Variants in RBMS3 observed in about 807,000 individuals in gnomAD.
RBMS3 encodes RNA binding motif single stranded interacting protein 3.
Under a neutral mutation model 66.8 loss-of-function variants are expected in RBMS3, and 27 were observed. The ratio of observed to expected loss-of-function variants is 0.40; its 90% CI spans 0.30 to 0.56. The LOEUF (loss-of-function observed/expected upper bound fraction) is 0.56. RBMS3 is among the 20% of genes least tolerant of loss of function. The probability of loss-of-function intolerance (pLI) is 0.40; values close to 1 mark genes in which losing one functional copy is unlikely to be tolerated. For synonymous variants in RBMS3, 188 were observed against 183.0 expected (o/e 1.03, Z -0.22); for missense variants, 513 against 549.5 (o/e 0.93, Z 0.66).
At chr3:29,382,920 T>C (rs77609197) in intron 1 of RBMS3, among the ~76,000 whole-genome samples, 8,611 of 152,246 alleles carry the variant, frequency 0.057, 515 homozygotes, top group Admixed American at 0.19. Flanking sequence ...CACATACTCA[T>C]AGGCTCATCT....
intron 6 of RBMS3, among the ~76,000 whole-genome samples, chr3:29,805,091 G>T (rs1306954659): frequency 6.6e-6 from 1 of 151,982 alleles, no homozygotes; most frequent in African/African-American, 2.4e-5. Flanking sequence ...GTTTAATCAT[G>T]CATTGCATAA....
chr3:29,778,251 C>T (rs75874818), intron 6 of RBMS3, among the ~76,000 whole-genome samples: 3,685 of 151,898 alleles, frequency 0.024, 76 homozygotes, highest in East Asian at 0.12. Context: ...AGGGTTTAAA[C>T]ATTTCCTGCT....
chr3:29,826,702 A>T (rs936063385), intron 6 of RBMS3, among the ~76,000 whole-genome samples: 1 of 152,152 alleles, frequency 6.6e-6, no homozygotes, highest in Admixed American at 6.6e-5. Context: ...GAAATCACCT[A>T]CATTTCTTAG....
intron 10 of RBMS3, among the ~76,000 whole-genome samples, chr3:29,900,275 C>T (rs970909367): frequency 4.0e-5 from 6 of 151,634 alleles, no homozygotes; most frequent in African/African-American, 1.2e-4. Flanking sequence ...TAGTTGTCTG[C>T]TAATAGATGA....
intron 4 of RBMS3, among the ~76,000 whole-genome samples, chr3:29,708,874 C>T (rs73829308): frequency 0.079 from 12,016 of 152,226 alleles, 1,591 homozygotes; most frequent in African/African-American, 0.27. Flanking sequence ...TATTGACAGA[C>T]AACTGTCAAT....
intron 10 of RBMS3, among the ~76,000 whole-genome samples, chr3:29,910,986 C>G (rs2060500312): frequency 6.6e-6 from 1 of 151,962 alleles, no homozygotes; most frequent in Non-Finnish European, 1.5e-5. Flanking sequence ...CAATTGGTTT[C>G]CCTCCCAATA....
At chr3:29,308,997 G>A (rs2034205239) in intron 1 of RBMS3, among the ~76,000 whole-genome samples, 1 of 151,662 alleles carries the variant, frequency 6.6e-6, no homozygotes, top group African/African-American at 2.4e-5. Flanking sequence ...TAGAGAACTT[G>A]GAGACAAGTC....
chr3:29,698,071 A>G (rs558854691), intron 4 of RBMS3: 1 of 364,296 alleles, frequency 2.7e-6, no homozygotes, highest in Admixed American at 6.4e-5. Context: ...AAGCAACACA[A>G]AAATCTTCAT....
At chr3:29,937,549 A>T (rs144268354) in intron 11 of RBMS3, among the ~76,000 whole-genome samples, 43 of 152,140 alleles carry the variant, frequency 2.8e-4, no homozygotes, top group African/African-American at 9.9e-4. Context: ...TCAATAAAGA[A>T]ATTTTAGTTT....
At chr3:29,560,153 A>G (rs1225132278) in intron 3 of RBMS3, among the ~76,000 whole-genome samples, 2 of 152,222 alleles carry the variant, frequency 1.3e-5, no homozygotes, top group Non-Finnish European at 2.9e-5. Context: ...CCTCTTACAG[A>G]AACATACAAA....
intron 4 of RBMS3, among the ~76,000 whole-genome samples, chr3:29,595,849 G>A (rs193046249): frequency 1.3e-5 from 2 of 152,304 alleles, no homozygotes; most frequent in East Asian, 3.9e-4. Flanking sequence ...GGACAACCAT[G>A]TGTCTCCCCA....
intron 6 of RBMS3, among the ~76,000 whole-genome samples, chr3:29,809,541 C>T (rs1183126761): frequency 6.6e-6 from 1 of 151,870 alleles, no homozygotes; most frequent in African/African-American, 2.4e-5. Context: ...TCTGCCAATG[C>T]CAATTTTCAT....
chr3:29,372,301 C>T (rs1200652712), intron 1 of RBMS3, among the ~76,000 whole-genome samples: 2 of 151,916 alleles, frequency 1.3e-5, no homozygotes, highest in Non-Finnish European at 2.9e-5. Context: ...TGCACTCCAG[C>T]CTGGGTGACA....
intron 10 of RBMS3, among the ~76,000 whole-genome samples, chr3:29,923,880 G>A (rs940870755): frequency 6.6e-6 from 1 of 152,010 alleles, no homozygotes; most frequent in Non-Finnish European, 1.5e-5. Context: ...CCTGTTAAAG[G>A]AGCAGTGAGG....
chr3:29,578,871 G>T lies in RBMS3; in HGVS notation c.308-8243G>T, dbSNP rs2149080238. 1.5e-5 allele frequency among the ~76,000 whole-genome samples: 2 copies of T among 135,892 alleles called. 1 individual carries two copies. Among genetic ancestry groups the T allele is most frequent in the South Asian group, 5.2e-4 (2 of 3,854 alleles). 89.2% of individuals were successfully genotyped at this position (135,892 alleles called of 152,430 possible). On this transcript the variant is annotated intron_variant, in intron 3 of 14. Coordinates refer to ENST00000383767, the MANE Select transcript of RBMS3 (RefSeq NM_001003793.3). The stretch of plus-strand genomic sequence containing the variant: ...CTGCGGACTGCAGTGGCGCAATCTC[G>T]GCTCACTGCAAGCTCCGCTTCCCGG...
At chr3:29,837,881 G>A (rs1004230161) in intron 6 of RBMS3, among the ~76,000 whole-genome samples, 4 of 151,010 alleles carry the variant, frequency 2.6e-5, no homozygotes, top group Admixed American at 2.6e-4. Context: ...AAATGCTACA[G>A]AGCCCTGGTA....
intron 6 of RBMS3, among the ~76,000 whole-genome samples, chr3:29,856,954 C>A (rs1327385500): frequency 1.3e-5 from 2 of 152,102 alleles, no homozygotes; most frequent in African/African-American, 2.4e-5. Context: ...CATGACAGCA[C>A]TCTTCAAATT....
At chr3:29,429,420 C>T (rs552108959) in intron 1 of RBMS3, among the ~76,000 whole-genome samples, 2 of 152,254 alleles carry the variant, frequency 1.3e-5, no homozygotes, top group East Asian at 3.9e-4. Flanking sequence ...GGGCTTTAGA[C>T]CCTATTCCAT....
At chr3:29,502,280 A>T (rs1394452971) in intron 3 of RBMS3, among the ~76,000 whole-genome samples, 1 of 152,106 alleles carries the variant, frequency 6.6e-6, no homozygotes, top group Non-Finnish European at 1.5e-5. Context: ...ATGAGGAAAC[A>T]AACCAGGAGA....
Sources: gnomAD v4.1 joint callset for allele counts (sites outside exome capture counted in the v4.1 genomes callset) on GRCh38, gnomAD v4.1.1 for gene constraint, MANE v1.5 for transcripts, NCBI Gene and HGNC (gene_info 2026-07-23, HGNC 2026-07-21) for gene names.